EPHA6: variants seen among roughly 807,000 people sequenced by gnomAD.
EPHA6 encodes the protein EPH receptor A6.
Under a neutral mutation model 112.0 loss-of-function variants are expected in EPHA6, and 50 were observed. That is an observed-to-expected ratio of 0.45 (90% CI 0.36 to 0.56). The LOEUF is 0.56. Ranked by LOEUF, EPHA6 falls within the 20% of genes least tolerant of loss-of-function variation. The probability of loss-of-function intolerance (pLI) is 0.00; values close to 1 mark genes in which losing one functional copy is unlikely to be tolerated. For synonymous variants in EPHA6, 529 were observed against 490.7 expected (o/e 1.08, Z -1.03); for missense variants, 1,280 against 1,417.4 (o/e 0.90, Z 1.56).
At chr3:97,030,545 C>T (rs891246848) in intron 3 of EPHA6, among the ~76,000 whole-genome samples, 6 of 152,026 alleles carry the variant, frequency 3.9e-5, no homozygotes, top group African/African-American at 1.4e-4. Flanking sequence ...CTAAAGTTCT[C>T]CTAACCTCTC....
chr3:96,822,329 A>G (rs2033323659), intron 1 of EPHA6, among the ~76,000 whole-genome samples: 1 of 151,864 alleles, frequency 6.6e-6, no homozygotes, highest in Admixed American at 6.6e-5. Flanking sequence ...CCAATTTCAA[A>G]TCGTAGCAAT....
chr3:97,614,477 G>T (rs886452703), intron 13 of EPHA6, among the ~76,000 whole-genome samples: 12 of 149,236 alleles, frequency 8.0e-5, no homozygotes, highest in African/African-American at 2.7e-4. Flanking sequence ...TGGAACTACA[G>T]GTGTGCACCA....
chr3:97,681,032 T>G (rs1347094787), intron 14 of EPHA6, among the ~76,000 whole-genome samples: 4 of 152,036 alleles, frequency 2.6e-5, no homozygotes, highest in Non-Finnish European at 5.9e-5. Flanking sequence ...AGACATTAGA[T>G]TTTTGGAACA....
chr3:97,715,725 T>G (rs2034187690), intron 14 of EPHA6, among the ~76,000 whole-genome samples: 1 of 152,196 alleles, frequency 6.6e-6, no homozygotes. Context: ...AATGCACCTA[T>G]AATACAACTC....
chr3:97,499,003 A>G (rs1175710983), intron 10 of EPHA6, among the ~76,000 whole-genome samples: 1 of 152,234 alleles, frequency 6.6e-6, no homozygotes, highest in Non-Finnish European at 1.5e-5. Flanking sequence ...CATTACGATT[A>G]TAGAAACTTT....
chr3:97,340,006 G>A (rs1034610367), intron 5 of EPHA6, among the ~76,000 whole-genome samples: 57 of 152,254 alleles, frequency 3.7e-4, no homozygotes, highest in African/African-American at 1.3e-3. Flanking sequence ...CAGAGGGCTT[G>A]GGATATATGA....
intron 2 of EPHA6, among the ~76,000 whole-genome samples, chr3:96,952,156 C>T (rs2041569172): frequency 6.6e-6 from 1 of 152,162 alleles, no homozygotes; most frequent in Non-Finnish European, 1.5e-5. Flanking sequence ...TACACCCATC[C>T]AGACAAGAAG....
At chr3:97,095,271 G>A (rs911900744) in intron 3 of EPHA6, among the ~76,000 whole-genome samples, 2 of 151,902 alleles carry the variant, frequency 1.3e-5, no homozygotes, top group African/African-American at 4.8e-5. Context: ...TTGGACACAG[G>A]AAGGGGAACA....
chr3:96,892,160 C>T (rs977315424), intron 2 of EPHA6, among the ~76,000 whole-genome samples: 1 of 152,184 alleles, frequency 6.6e-6, no homozygotes, highest in Non-Finnish European at 1.5e-5. Flanking sequence ...TCATAGGAGG[C>T]AGAGAATACA....
intron 1 of EPHA6, among the ~76,000 whole-genome samples, chr3:96,834,396 A>G (rs2034275584): frequency 6.6e-6 from 1 of 152,158 alleles, no homozygotes; most frequent in African/African-American, 2.4e-5. Flanking sequence ...GAAGAATGGA[A>G]TAAAAGGCAA....
At chr3:96,845,512 T>C (rs553422471) in intron 1 of EPHA6, among the ~76,000 whole-genome samples, 1 of 152,038 alleles carries the variant, frequency 6.6e-6, no homozygotes, top group South Asian at 2.1e-4. Context: ...CATGGATTAC[T>C]GAGGTTTTTT....
At chr3:97,176,628 G>T (rs1251494247) in intron 3 of EPHA6, among the ~76,000 whole-genome samples, 1 of 151,752 alleles carries the variant, frequency 6.6e-6, no homozygotes, top group Non-Finnish European at 1.5e-5. Flanking sequence ...TTGGTAGGTT[G>T]CGTGTATCTA....
chr3:97,236,842 G>T (rs867104990), intron 4 of EPHA6, among the ~76,000 whole-genome samples: 6 of 152,026 alleles, frequency 3.9e-5, no homozygotes, highest in Admixed American at 1.3e-4. Flanking sequence ...AGCAAATGGT[G>T]GTTGAGATGT....
intron 14 of EPHA6, among the ~76,000 whole-genome samples, chr3:97,689,245 T>C (rs2032481969): frequency 6.6e-6 from 1 of 152,208 alleles, no homozygotes; most frequent in Non-Finnish European, 1.5e-5. Context: ...AGCCTAATAA[T>C]TTGTGTTCAT....
intron 3 of EPHA6, among the ~76,000 whole-genome samples, chr3:97,173,270 T>A (rs2076747911): frequency 6.6e-6 from 1 of 151,950 alleles, no homozygotes; most frequent in African/African-American, 2.4e-5. Context: ...TTACATTAAA[T>A]GTTTTAAAAT....
intron 5 of EPHA6, among the ~76,000 whole-genome samples, chr3:97,372,240 C>A (rs1024868294): frequency 2.6e-5 from 4 of 152,088 alleles, no homozygotes; most frequent in Non-Finnish European, 4.4e-5. Flanking sequence ...TAAAATTTTT[C>A]TCTTTTGTAC....
chr3:97,609,155 T>C (rs1265705561), intron 12 of EPHA6, among the ~76,000 whole-genome samples: 1 of 151,404 alleles, frequency 6.6e-6, no homozygotes. Context: ...GCTGTGACTC[T>C]GCAGGCAGGG....
chr3:97,233,989 G>T (rs2078609400), intron 4 of EPHA6, among the ~76,000 whole-genome samples: 1 of 152,066 alleles, frequency 6.6e-6, no homozygotes, highest in African/African-American at 2.4e-5. Flanking sequence ...CAAAACAACA[G>T]CAACAAACCT....
chr3:97,177,008 G>T lies in EPHA6; in HGVS notation c.1115-49256G>T, dbSNP rs566232504. Reference sequence around the variant, plus strand: ...TTTGGAGTTTTCCCTCTCTTTTGATGTAGGCACTTGTAGCTATAAATTTTC... The same window carrying T: ...TTTGGAGTTTTCCCTCTCTTTTGATTTAGGCACTTGTAGCTATAAATTTTC... On this transcript the variant is annotated intron_variant, in intron 3 of 17. Coordinates refer to ENST00000389672, the MANE Select transcript of EPHA6 (RefSeq NM_001080448.3). 1.1e-4 allele frequency among the ~76,000 whole-genome samples: 17 copies of T among 151,736 alleles called. No homozygotes were observed. The South Asian group carries it at 1.7e-3, about 15-fold the overall frequency.
Sources: gnomAD v4.1 joint callset for allele counts (sites outside exome capture counted in the v4.1 genomes callset) on GRCh38, gnomAD v4.1.1 for gene constraint, MANE v1.5 for transcripts, NCBI Gene and HGNC (gene_info 2026-07-23, HGNC 2026-07-21) for gene names.